Variants in SLIT2 observed in about 807,000 individuals in gnomAD.
SLIT2 encodes the protein slit guidance ligand 2, also known as slit homolog 2 protein.
SLIT2 carries 41 observed loss-of-function variants against 185.7 expected under a neutral mutation model. That is an observed-to-expected ratio of 0.22 (90% CI 0.17 to 0.29). The LOEUF (loss-of-function observed/expected upper bound fraction) is 0.29. Among genes scored for constraint, SLIT2 ranks in the 10% least tolerant of loss-of-function variants. The pLI, the probability that SLIT2 is intolerant of heterozygous loss-of-function variation, is 1.00. For synonymous variants in SLIT2, 693 were observed against 680.2 expected, an observed-to-expected ratio of 1.02 and a Z score of -0.29; for missense variants, 1,571 against 1,909.0, an observed-to-expected ratio of 0.82 and a Z score of 3.30.
chr4:20,565,908 A>G (rs1020042845), intron 26 of SLIT2, among the ~76,000 whole-genome samples: 1 of 152,056 alleles, frequency 6.6e-6, no homozygotes, highest in African/African-American at 2.4e-5. Flanking sequence ...TTTTAATTCA[A>G]TACTGTTACT....
At chr4:20,602,652 CAGG>C (rs1217756846) in intron 33 of SLIT2, among the ~76,000 whole-genome samples, 1 of 152,108 alleles carries the variant, frequency 6.6e-6, no homozygotes, top group Admixed American at 6.5e-5. Flanking sequence ...AACAAGTTTC[CAGG>C]AGATCTTGTA....
chr4:20,419,771 G>A (rs904341994), intron 4 of SLIT2, among the ~76,000 whole-genome samples: 9 of 150,926 alleles, frequency 6.0e-5, no homozygotes, highest in African/African-American at 2.0e-4. Flanking sequence ...GCTGCATTCC[G>A]ATTACAGCTT....
chr4:20,613,960 C>G (rs1729442352), intron 34 of SLIT2, among the ~76,000 whole-genome samples: 1 of 152,170 alleles, frequency 6.6e-6, no homozygotes, highest in African/African-American at 2.4e-5. Context: ...CAACCTCCAC[C>G]TCCCGAGTTC....
intron 4 of SLIT2, among the ~76,000 whole-genome samples, chr4:20,270,506 G>A (rs1016632948): frequency 6.6e-6 from 1 of 151,916 alleles, no homozygotes; most frequent in African/African-American, 2.4e-5. Flanking sequence ...GTGAATTAAA[G>A]AAACAGAATC....
At chr4:20,300,943 C>A (rs1181090531) in intron 4 of SLIT2, among the ~76,000 whole-genome samples, 1 of 151,750 alleles carries the variant, frequency 6.6e-6, no homozygotes, top group Non-Finnish European at 1.5e-5. Context: ...ACATCGTTTT[C>A]TAATTTTAAA....
At chr4:20,311,587 A>T (rs569280325) in intron 4 of SLIT2, among the ~76,000 whole-genome samples, 1 of 152,262 alleles carries the variant, frequency 6.6e-6, no homozygotes, top group East Asian at 1.9e-4. Context: ...AGTGAATAGT[A>T]CTACTTTGGT....
At chr4:20,563,697 C>T (rs558306379) in intron 26 of SLIT2, among the ~76,000 whole-genome samples, 59 of 148,888 alleles carry the variant, frequency 4.0e-4, no homozygotes, top group Admixed American at 3.1e-3. Context: ...TCTAATTTGC[C>T]TTTGTCTGTG....
intron 4 of SLIT2, among the ~76,000 whole-genome samples, chr4:20,286,390 T>C (rs1715267964): frequency 6.6e-6 from 1 of 152,184 alleles, no homozygotes; most frequent in Non-Finnish European, 1.5e-5. Context: ...ACCTCCACAG[T>C]TGGTTCATCC....
chr4:20,548,525 CA>C lies in SLIT2; in HGVS notation c.2384del (p.Gln795ArgfsTer6). ...CAACAGAATAAGCACGCTTTCTAAT[CA>C]GAGCTTCAGCAACATGACCCAGCTC... ...SNNRISTLSN[Q>X]SFSNMTQLLT... On this transcript the variant is annotated frameshift_variant, in exon 23 of 37. Coordinates refer to ENST00000504154, the MANE Select transcript of SLIT2 (RefSeq NM_004787.4). LOFTEE classifies it high-confidence loss of function. The C allele has an allele frequency of 6.2e-7, 1 of 1,608,060 alleles. No homozygotes were observed. The highest frequency in any genetic ancestry group is 8.5e-7 in the Non-Finnish European group (1 of 1,174,742).
intron 4 of SLIT2, among the ~76,000 whole-genome samples, chr4:20,280,839 T>G (rs11937736): frequency 1.5e-4 from 23 of 151,782 alleles, no homozygotes; most frequent in African/African-American, 2.7e-4. Context: ...AAATGTTTTT[T>G]TTTTTTTTTT....
chr4:20,322,391 AC>A lies in SLIT2; in HGVS notation c.395+53511del, dbSNP rs1464737778. 3.3e-5 allele frequency among the ~76,000 whole-genome samples: 5 copies of A among 152,192 alleles called. No individual in the cohort carries two copies. In the East Asian group the frequency reaches 9.7e-4, roughly 30 times the overall value. On this transcript the variant is annotated intron_variant, in intron 4 of 36. Coordinates refer to ENST00000504154, the MANE Select transcript of SLIT2 (RefSeq NM_004787.4). The stretch of plus-strand genomic sequence containing the variant: ...GACAACTTGAAGTAGAAGAGGGACA[AC>A]TCGAAGTGGGGAGGGGTCATCAAGG...
chr4:20,572,030 A>T (rs903959631), intron 29 of SLIT2, among the ~76,000 whole-genome samples: 2 of 152,214 alleles, frequency 1.3e-5, no homozygotes, highest in African/African-American at 4.8e-5. Context: ...TGAGCCACCA[A>T]TGGGGAATTT....
intron 23 of SLIT2, 83 bp downstream of exon 23, chr4:20,548,642 C>A: frequency 1.2e-6 from 1 of 816,278 alleles, no homozygotes; most frequent in Admixed American, 1.9e-5. Flanking sequence ...TGCTATTGAA[C>A]AAGACAGTCT....
intron 4 of SLIT2, among the ~76,000 whole-genome samples, chr4:20,422,804 G>A (rs562204716): frequency 2.8e-3 from 431 of 152,184 alleles, no homozygotes; most frequent in Admixed American, 4.8e-3. Context: ...ATCAATGAAG[G>A]AAAGAAGGGT....
intron 29 of SLIT2, among the ~76,000 whole-genome samples, chr4:20,579,413 G>T (rs1171596459): frequency 6.6e-6 from 1 of 151,802 alleles, no homozygotes; most frequent in Non-Finnish European, 1.5e-5. Context: ...ATGTATTTCG[G>T]AACTGTATAA....
chr4:20,602,668 C>T (rs1728497604), intron 33 of SLIT2, among the ~76,000 whole-genome samples: 1 of 152,134 alleles, frequency 6.6e-6, no homozygotes, highest in African/African-American at 2.4e-5. Context: ...ATCTTGTACT[C>T]CAGGGACTAC....
At chr4:20,545,178 A>G (rs751146278) in intron 21 of SLIT2, among the ~76,000 whole-genome samples, 4 of 152,104 alleles carry the variant, frequency 2.6e-5, no homozygotes, top group Non-Finnish European at 5.9e-5. Context: ...AGGAACGGCC[A>G]CATGTTTAAT....
intron 9 of SLIT2, among the ~76,000 whole-genome samples, chr4:20,493,249 C>CTA (rs1717942601): frequency 6.6e-6 from 1 of 152,030 alleles, no homozygotes; most frequent in Admixed American, 6.6e-5. Flanking sequence ...ATATAATGCC[C>CTA]TAAAGAATAC....
In SLIT2 at chr4:20,555,829, A is replaced by T. The variant is rs190738911; in HGVS notation, c.2725+1861A>T. Among the ~76,000 whole-genome samples, 1,151 of 152,016 alleles carry T rather than the reference A, an allele frequency of 7.6e-3. 9 individuals are homozygous for T. The highest frequency in any genetic ancestry group is 0.02 in the Middle Eastern group (6 of 294). On this transcript the variant is annotated intron_variant, in intron 26 of 36. Coordinates refer to ENST00000504154, the MANE Select transcript of SLIT2 (RefSeq NM_004787.4). The stretch of plus-strand genomic sequence containing the variant: ...AATTTTATAAAAGGAAAAAAACAAG[A>T]TCCCCCTTAATATATTGCATTGTTT...
Sources: allele counts gnomAD v4.1 joint callset (sites outside exome capture counted in the v4.1 genomes callset), GRCh38; gene constraint gnomAD v4.1.1; transcripts MANE v1.5; gene names NCBI Gene and HGNC (gene_info 2026-07-23, HGNC 2026-07-21).